NEB: variants seen among roughly 807,000 people sequenced by gnomAD.
NEB encodes the protein nebulin.
In NEB, 512 loss-of-function variants were observed where a neutral mutation model predicts 952.2. That is an observed-to-expected ratio of 0.54 (90% CI 0.50 to 0.58). NEB has a LOEUF of 0.58. Among genes scored for constraint, NEB ranks in the 20% least tolerant of loss-of-function variants. The pLI is 0.00. For missense variants in NEB, 8,428 were observed against 9,231.1 expected (o/e 0.91, Z 3.56); for synonymous variants, 2,900 against 3,149.8 (o/e 0.92, Z 2.66).
At chr2:151,714,054 T>TCTACGTAAAGAC (rs2099752791) in intron 10 of NEB, among the ~76,000 whole-genome samples, 1 of 152,154 alleles carries the variant, frequency 6.6e-6, no homozygotes, top group Non-Finnish European at 1.5e-5. Flanking sequence ...GAGACTTCTT[T>TCTACGTAAAGAC]CTACATAAAG....
At chr2:151,567,941 C>T in intron 113 of NEB, 130 bp downstream of exon 113, 2 of 662,776 alleles carry the variant, frequency 3.0e-6, no homozygotes, top group Non-Finnish European at 5.1e-6. Flanking sequence ...CCAACCATCA[C>T]CAAGCCTGGC....
chr2:151,664,284 G>C (rs532828308), intron 44 of NEB, among the ~76,000 whole-genome samples: 27 of 152,208 alleles, frequency 1.8e-4, no homozygotes, highest in African/African-American at 6.5e-4. Flanking sequence ...GACTCTAAAG[G>C]CTACTTATTT....
intron 181 of NEB, among the ~76,000 whole-genome samples, chr2:151,487,802 A>G (rs1182300867): frequency 6.6e-6 from 1 of 152,170 alleles, no homozygotes; most frequent in African/African-American, 2.4e-5. Flanking sequence ...TTACAAATAG[A>G]GATGGGGTTT....
At chr2:151,667,694 A>ATTT in intron 40 of NEB, 110 bp downstream of exon 40, 1 of 602,830 alleles carries the variant, frequency 1.7e-6, no homozygotes. Context: ...CATCTGGCTA[A>ATTT]TTTTTTTTTT....
chr2:151,667,679 C>T, intron 40 of NEB, 125 bp downstream of exon 40: 1 of 602,016 alleles, frequency 1.7e-6, no homozygotes, highest in Non-Finnish European at 2.8e-6. Flanking sequence ...AGGTACACGC[C>T]ACCACATCTG....
intron 10 of NEB, among the ~76,000 whole-genome samples, chr2:151,711,458 C>T (rs905642322): frequency 1.3e-5 from 2 of 152,198 alleles, no homozygotes; most frequent in Non-Finnish European, 2.9e-5. Flanking sequence ...TCTGGTATAC[C>T]TTTAAGAGAA....
At chr2:151,518,890 T>C in intron 155 of NEB, 75 bp downstream of exon 155, 2 of 909,986 alleles carry the variant, frequency 2.2e-6, no homozygotes, top group Non-Finnish European at 3.6e-6. Flanking sequence ...GAGAAGAAGA[T>C]GCATCTGGGC....
At position 151,610,776 on chromosome 2, in the gene NEB, C is replaced by G. The variant is rs1359869736; in HGVS notation, c.11896G>C (p.Ala3966Pro). Residue 3966 changes from alanine to proline, a missense_variant, in exon 79 of 182, where the codon GCC becomes CCC. This residue lies in a region of NEB where 337 missense variants were observed against 297.5 expected (regional missense o/e 1.13). Transcript: ENST00000397345. Reference sequence around the variant, plus strand: ...AAATCTCTTACTTGGCTGATATTGGCAGAATTACTCTTGGCCAGCAGGATA... The same window carrying G: ...AAATCTCTTACTTGGCTGATATTGGGAGAATTACTCTTGGCCAGCAGGATA... Reference protein sequence around the residue: ...PDILLAKSNSANISQKLYTKG... With the variant: ...PDILLAKSNSPNISQKLYTKG... 1.9e-6 allele frequency: 3 copies of G among 1,608,914 alleles called. No individual in the cohort carries two copies. The South Asian group carries it at 3.3e-5, about 18-fold the overall frequency.
At position 151,490,005 on chromosome 2, in the gene NEB, A is replaced by G; in HGVS notation, c.25370T>C (p.Val8457Ala). The part of the protein sequence containing the change: ...SSSVATQQTT[V>A]SSIPSHPSTA... ...AGATGGATGAGATGGGATGGAAGAT[A>G]CCGTTGTCTGTTGGGTAGCAACTGA... Residue 8457 changes from valine (V) to alanine (A), a missense_variant, in exon 181 of 182, where the codon GTA becomes GCA. Val to Ala is a moderately conservative substitution (Grantham distance 64). This residue lies in a region of NEB where 3,374 missense variants were observed against 3,651.5 expected (regional missense o/e 0.92). Coordinates refer to ENST00000397345, the MANE Select transcript of NEB (RefSeq NM_001164508.2). 1 of 1,612,454 alleles carries G rather than the reference A, an allele frequency of 6.2e-7. No individual in the cohort carries two copies.
intron 7 of NEB, among the ~76,000 whole-genome samples, 158 bp from the exon 8 acceptor site, chr2:151,724,522 C>CTACT (rs770083505): frequency 6.6e-6 from 1 of 152,210 alleles, no homozygotes; most frequent in Non-Finnish European, 1.5e-5. Context: ...AATACTTTTC[C>CTACT]TACAATAGTC....
At chr2:151,626,968 C>A in intron 70 of NEB, 34 bp downstream of exon 70, 1 of 1,606,146 alleles carries the variant, frequency 6.2e-7, no homozygotes, top group Non-Finnish European at 8.5e-7. Flanking sequence ...TGACATATAG[C>A]CCTGTCTTAT....
chr2:151,698,799 G>T (rs1175082319), intron 13 of NEB, among the ~76,000 whole-genome samples: 1 of 151,508 alleles, frequency 6.6e-6, no homozygotes, highest in African/African-American at 2.4e-5. Context: ...CACCATGCCC[G>T]GCTAATTTTT....
At chr2:151,502,467 A>ACAT (rs2065459986) in intron 167 of NEB, among the ~76,000 whole-genome samples, 1 of 152,126 alleles carries the variant, frequency 6.6e-6, no homozygotes, top group South Asian at 2.1e-4. Flanking sequence ...ATTCTAATTA[A>ACAT]CATTGTCCTT....
At chr2:151,659,451 C>T (rs1394656818) in intron 46 of NEB, among the ~76,000 whole-genome samples, 4 of 152,076 alleles carry the variant, frequency 2.6e-5, no homozygotes, top group Non-Finnish European at 5.9e-5. Context: ...CAGGCATGCA[C>T]TACCATGCCT....
At chr2:151,514,146 A>C (rs1380179606) in intron 159 of NEB, among the ~76,000 whole-genome samples, 172 bp downstream of exon 159, 3 of 152,226 alleles carry the variant, frequency 2.0e-5, no homozygotes, top group Non-Finnish European at 4.4e-5. Context: ...ATTCATCAGA[A>C]ATTGAGGTAT....
At chr2:151,532,073 G>A (rs1228162159) in intron 143 of NEB, 177 bp from the exon 144 acceptor site, 3 of 554,098 alleles carry the variant, frequency 5.4e-6, no homozygotes, top group Non-Finnish European at 6.4e-6. Context: ...GGAGTGAGCA[G>A]ATGATACTAC....
intron 24 of NEB, 33 bp downstream of exon 24, chr2:151,690,694 G>A (rs756348880): frequency 2.7e-6 from 4 of 1,477,108 alleles, no homozygotes; most frequent in Non-Finnish European, 3.7e-6. Context: ...AGCACTCTGG[G>A]TCACCCACGC....
At chr2:151,675,445 G>T (rs1365719442) in intron 34 of NEB, 54 bp from the exon 35 acceptor site, 9 of 1,195,486 alleles carry the variant, frequency 7.5e-6, no homozygotes, top group Non-Finnish European at 1.1e-5. Flanking sequence ...TTAATTGTTT[G>T]CTTTAAAGAG....
Position 151,627,088 on chromosome 2 carries a change from G to A in NEB, c.10261C>T (p.Gln3421Ter), listed in dbSNP as rs1471680813. Residue 3421 changes from glutamine (Q) to a stop codon, truncating the protein, a stop_gained, in exon 70 of 182, where the codon CAG becomes TAG. Coordinates refer to ENST00000397345, the MANE Select transcript of NEB (RefSeq NM_001164508.2). LOFTEE classifies it high-confidence loss of function. Reference sequence around the variant, plus strand: ...GTAAATTTCAGCTTGTCCGGAGGCTGGCGGTAGATGTTATCACTCAGTATT... The same window carrying A: ...GTAAATTTCAGCTTGTCCGGAGGCTAGCGGTAGATGTTATCACTCAGTATT... Reference protein sequence around the residue: ...AEILSDNIYRQPPDKLKFTSV... With the variant: ...AEILSDNIYR 6.2e-7 allele frequency: 1 copy of A among 1,613,808 alleles called. No homozygotes were observed. Among genetic ancestry groups the A allele is most frequent in the African/African-American group, 1.3e-5 (1 of 74,908 alleles).
Sources: allele counts gnomAD v4.1 joint callset (sites outside exome capture counted in the v4.1 genomes callset), GRCh38; gene constraint gnomAD v4.1.1; regional missense constraint gnomAD v4.1.1; transcripts MANE v1.5; gene names NCBI Gene and HGNC (gene_info 2026-07-23, HGNC 2026-07-21).